EYA3: variants seen among roughly 807,000 people sequenced by gnomAD.
EYA3 encodes the protein EYA transcriptional coactivator and phosphatase 3, also known as protein phosphatase EYA3.
A neutral mutation model predicts 80.0 loss-of-function variants in EYA3; 39 were observed. The observed-to-expected ratio is 0.49, with a 90% confidence interval of 0.38 to 0.64. The LOEUF (loss-of-function observed/expected upper bound fraction) is 0.64, where lower values mean the gene tolerates loss of function less well. Ranked by LOEUF, EYA3 falls within the 30% of genes least tolerant of loss-of-function variation. The probability of loss-of-function intolerance (pLI) is 0.00; values close to 1 mark genes in which losing one functional copy is unlikely to be tolerated. For missense variants in EYA3, 523 were observed against 676.1 expected (o/e 0.77, Z 2.51); for synonymous variants, 206 against 232.8 (o/e 0.88, Z 1.05).
At chr1:28,063,222 G>C (rs1441424144) in intron 1 of EYA3, among the ~76,000 whole-genome samples, 1 of 150,766 alleles carries the variant, frequency 6.6e-6, no homozygotes, top group African/African-American at 2.4e-5. Context: ...ATAGAAAAAA[G>C]GTAGTCCATA....
At chr1:28,051,710 C>T (rs1644256805) in intron 2 of EYA3, among the ~76,000 whole-genome samples, 1 of 151,902 alleles carries the variant, frequency 6.6e-6, no homozygotes, top group South Asian at 2.1e-4. Context: ...AACAAAAAAA[C>T]TTAGGAATAA....
At chr1:28,036,648 T>C (rs913230650) in intron 5 of EYA3, among the ~76,000 whole-genome samples, 3 of 152,170 alleles carry the variant, frequency 2.0e-5, no homozygotes. Flanking sequence ...ATATCAGGGA[T>C]AGCTAGAGAT....
intron 1 of EYA3, among the ~76,000 whole-genome samples, chr1:28,064,359 CCTCTCT>C (rs753576988): frequency 3.6e-4 from 49 of 137,456 alleles, no homozygotes; most frequent in African/African-American, 9.4e-4. Flanking sequence ...AGCAAGCCAT[CCTCTCT>C]CTCTCTCTCT....
At chr1:28,066,731 A>G (rs1644849697) in intron 1 of EYA3, among the ~76,000 whole-genome samples, 1 of 152,176 alleles carries the variant, frequency 6.6e-6, no homozygotes, top group South Asian at 2.1e-4. Flanking sequence ...AAACAAATCT[A>G]AGATTAAAAT....
intron 6 of EYA3, among the ~76,000 whole-genome samples, chr1:28,028,770 A>AT (rs139975152): frequency 0.017 from 2,528 of 151,918 alleles, 31 homozygotes; most frequent in Non-Finnish European, 0.025. Flanking sequence ...TGGGATTGTG[A>AT]TTTTTTGTTG....
chr1:28,020,299 G>A (rs1642346230), intron 7 of EYA3, among the ~76,000 whole-genome samples: 1 of 152,056 alleles, frequency 6.6e-6, no homozygotes, highest in Admixed American at 6.6e-5. Flanking sequence ...TATTATAGGG[G>A]AACTTGGTCT....
chr1:28,055,431 T>C (rs908764267), intron 2 of EYA3, among the ~76,000 whole-genome samples: 1 of 151,394 alleles, frequency 6.6e-6, no homozygotes, highest in Admixed American at 6.6e-5. Flanking sequence ...GAAGTTAAAA[T>C]TTATTGCATT....
chr1:27,998,430 A>G, intron 12 of EYA3: 1 of 419,204 alleles, frequency 2.4e-6, no homozygotes, highest in Non-Finnish European at 3.2e-6. Flanking sequence ...CTGAATAAAA[A>G]CTATGATGTC....
chr1:28,002,449 T>C (rs537083524), intron 11 of EYA3, among the ~76,000 whole-genome samples: 1 of 151,248 alleles, frequency 6.6e-6, no homozygotes, highest in East Asian at 1.9e-4. Context: ...ATTTTATATA[T>C]TTTTATAATC....
At chr1:27,985,045 A>G (rs1639557299) in intron 16 of EYA3, among the ~76,000 whole-genome samples, 1 of 151,860 alleles carries the variant, frequency 6.6e-6, no homozygotes, top group Non-Finnish European at 1.5e-5. Context: ...GCTATTAATG[A>G]TCTTCATGTA....
At chr1:28,054,038 G>T (rs1644359915) in intron 2 of EYA3, among the ~76,000 whole-genome samples, 1 of 152,164 alleles carries the variant, frequency 6.6e-6, no homozygotes, top group South Asian at 2.1e-4. Flanking sequence ...TTTATGTCAA[G>T]ATTTATCCAA....
intron 4 of EYA3, among the ~76,000 whole-genome samples, chr1:28,041,639 T>C (rs1027142383): frequency 2.6e-5 from 4 of 151,982 alleles, no homozygotes; most frequent in African/African-American, 9.7e-5. Flanking sequence ...GGTATAGATG[T>C]AGACTTCAAA....
intron 7 of EYA3, among the ~76,000 whole-genome samples, chr1:28,018,012 T>C (rs760388219): frequency 3.3e-5 from 5 of 151,964 alleles, no homozygotes; most frequent in Non-Finnish European, 7.4e-5. Flanking sequence ...CTTGCCAACG[T>C]GGTGAAACCC....
At chr1:27,975,784 G>A (rs980645775) in intron 17 of EYA3, among the ~76,000 whole-genome samples, 10 of 151,356 alleles carry the variant, frequency 6.6e-5, no homozygotes, top group African/African-American at 2.4e-5. Context: ...GTGCCCGGCC[G>A]ATATTTTTAA....
At chr1:28,070,618 GAA>G (rs145158680) in intron 1 of EYA3, among the ~76,000 whole-genome samples, 1 of 150,238 alleles carries the variant, frequency 6.7e-6, no homozygotes, top group Non-Finnish European at 1.5e-5. Context: ...ACATACAGCT[GAA>G]AAAAAAATGC....
chr1:28,074,186 T>C (rs988303225), intron 1 of EYA3, among the ~76,000 whole-genome samples: 3 of 152,216 alleles, frequency 2.0e-5, no homozygotes, highest in Non-Finnish European at 2.9e-5. Flanking sequence ...TATAAATTCT[T>C]ATTTTTATTC....
chr1:28,018,708 G>A (rs1642232921), intron 7 of EYA3, among the ~76,000 whole-genome samples: 2 of 152,194 alleles, frequency 1.3e-5, no homozygotes, highest in Admixed American at 6.5e-5. Context: ...AGCTATTGCT[G>A]CAACCCCAGC....
chr1:27,989,807 G>A lies in EYA3; in HGVS notation c.1308C>T (p.Leu436=), dbSNP rs1639910002. ...YDKHKSNVGG[L]LSPQRKEALQ... ...GTGCTTCCTTCCTCTGGGGACTGAG[G>A]AGACCTTTAGGAATAAAAGCAGACA... Residue 436 remains leucine, a synonymous_variant, in exon 15 of 18, where the codon CTC becomes CTT. Transcript: ENST00000373871. 1.9e-6 allele frequency: 3 copies of A among 1,597,324 alleles called. No individual in the cohort carries two copies. Among genetic ancestry groups the A allele is most frequent in the Non-Finnish European group, 2.6e-6 (3 of 1,169,496 alleles).
At chr1:28,088,276 A>T (rs1645745597) in intron 1 of EYA3, among the ~76,000 whole-genome samples, 1 of 152,178 alleles carries the variant, frequency 6.6e-6, no homozygotes, top group Admixed American at 6.5e-5. Context: ...CCGAGGTTGG[A>T]AAAGGACTGA....
Sources: gnomAD v4.1 joint callset for allele counts (sites outside exome capture counted in the v4.1 genomes callset) on GRCh38, gnomAD v4.1.1 for gene constraint, MANE v1.5 for transcripts, NCBI Gene and HGNC (gene_info 2026-07-23, HGNC 2026-07-21) for gene names.